Variants in EXD3 observed in about 807,000 individuals in gnomAD.
EXD3 encodes the protein exonuclease 3'-5' domain containing 3.
Under a neutral mutation model 98.0 loss-of-function variants are expected in EXD3, and 92 were observed. The ratio of observed to expected loss-of-function variants is 0.94; its 90% CI spans 0.79 to 1.12. EXD3 has a LOEUF of 1.12. EXD3 is among the 50% of genes most tolerant of loss of function. The pLI is 0.00. For missense variants in EXD3, 1,222 were observed against 1,191.6 expected (o/e 1.03, Z -0.38); for synonymous variants, 569 against 526.0 (o/e 1.08, Z -1.12).
chr9:137,323,878 ACTGAGGGG>A lies in EXD3; in HGVS notation c.2053-30_2053-23del. The A allele has an allele frequency of 1.9e-6, 3 of 1,595,924 alleles. No individual in the cohort carries two copies. The South Asian group carries it at 3.4e-5, about 18-fold the overall frequency. On this transcript the variant is annotated intron_variant, in intron 18 of 21. Transcript: ENST00000340951. ...GGAGCTGCAAAGACACGGCTCGGCT[ACTGAGGGG>A]CAGTGCAGAGCCCAGCACCTGCCCA...
intron 7 of EXD3, among the ~76,000 whole-genome samples, chr9:137,357,797 T>C (rs537109792): frequency 1.3e-5 from 2 of 151,550 alleles, no homozygotes; most frequent in Admixed American, 1.3e-4. Flanking sequence ...GATCACAGGG[T>C]CCCACAATAG....
rs892408172 is a variant in EXD3 at position 137,407,417 on chromosome 9, C to T, written c.-47-12013G>A. Among the ~76,000 whole-genome samples, 11 of 152,230 alleles carry T rather than the reference C, an allele frequency of 7.2e-5. No individual in the cohort carries two copies. Among genetic ancestry groups the T allele is most frequent in the African/African-American group, 1.4e-4 (6 of 41,460 alleles). ...GTCCTGGCCCCCAAGGGGCCATCTGCCCCCGGCTCACCGCAGGCCCTTTCC... is the reference window on the plus strand; with the variant it reads ...GTCCTGGCCCCCAAGGGGCCATCTGTCCCCGGCTCACCGCAGGCCCTTTCC... On this transcript the variant is annotated intron_variant, in intron 1 of 21. Coordinates refer to ENST00000340951, the MANE Select transcript of EXD3 (RefSeq NM_017820.5). This position sits in a 1 kb window ranked among gnomAD's most constrained non-coding sequence, Gnocchi z 4.4.
chr9:137,421,410 G>A (rs771050244), intron 1 of EXD3, among the ~76,000 whole-genome samples: 4 of 152,212 alleles, frequency 2.6e-5, no homozygotes, highest in African/African-American at 4.8e-5. Context: ...TGGTAGAAAT[G>A]GGGAAGTAGA....
intron 17 of EXD3, among the ~76,000 whole-genome samples, chr9:137,333,539 G>T (rs1833203789): frequency 6.6e-6 from 1 of 152,164 alleles, no homozygotes; most frequent in South Asian, 2.1e-4. Flanking sequence ...GGCCTGGCCT[G>T]GAGGGAGGCC....
chr9:137,321,486 C>T (rs1832029201), intron 19 of EXD3, among the ~76,000 whole-genome samples: 1 of 152,216 alleles, frequency 6.6e-6, no homozygotes, highest in African/African-American at 2.4e-5. Flanking sequence ...AGTTCAAGAC[C>T]AGCCTGACCA....
intron 2 of EXD3, among the ~76,000 whole-genome samples, chr9:137,394,040 G>A (rs1056942933): frequency 1.3e-5 from 2 of 152,158 alleles, no homozygotes; most frequent in South Asian, 2.1e-4. Flanking sequence ...GCCCCAGCCC[G>A]TCCCCGGCAC....
At chr9:137,365,074 C>CTT (rs79982028) in intron 7 of EXD3, 7 of 142,578 alleles carry the variant, frequency 4.9e-5, no homozygotes, top group Admixed American at 2.1e-4. Context: ...GGCCCTATGT[C>CTT]TTTTTTTTTT....
intron 19 of EXD3, among the ~76,000 whole-genome samples, chr9:137,318,978 G>A (rs1831872376): frequency 6.6e-6 from 1 of 152,258 alleles, no homozygotes; most frequent in African/African-American, 2.4e-5. Flanking sequence ...ACGTTGAGCG[G>A]GCTTTCCCTC....
Position 137,393,295 on chromosome 9 carries a change from C to T in EXD3, c.55+2008G>A, listed in dbSNP as rs548401128. ...ACCCAGGGTCCCATGCGCTCCCCGG[C>T]CCTGACGGCGGTCTCCAGGGGAGGT... is the stretch of plus-strand genomic sequence containing the variant. On this transcript the variant is annotated intron_variant, in intron 2 of 21. Coordinates refer to ENST00000340951, the MANE Select transcript of EXD3 (RefSeq NM_017820.5). The surrounding 1 kb of genome is among the most constrained non-coding windows in gnomAD (Gnocchi z 4.6). 3 of 698,690 alleles carry T rather than the reference C, an allele frequency of 4.3e-6. No individual in the cohort carries two copies. The African/African-American group carries it at 5.3e-5, about 12-fold the overall frequency. The allele number at this position is 698,690 out of a possible 1,614,324, so 43.3% of individuals were successfully genotyped here. A position where few individuals can be genotyped will look rare whatever the true frequency, so the allele number is the denominator to read the frequency against.
intron 17 of EXD3, among the ~76,000 whole-genome samples, chr9:137,343,887 CTTTT>C (rs139561838): frequency 3.3e-5 from 1 of 30,228 alleles, no homozygotes; most frequent in Non-Finnish European, 5.4e-5. Flanking sequence ...CGCGCCCGGC[CTTTT>C]TTTTTTTTTT....
At chr9:137,320,224 C>T (rs1041793049) in intron 19 of EXD3, among the ~76,000 whole-genome samples, 7 of 152,258 alleles carry the variant, frequency 4.6e-5, no homozygotes, top group African/African-American at 1.7e-4. Flanking sequence ...GCCCCTTCCC[C>T]ACGTCCTGCC....
chr9:137,381,487 G>C (rs1028880486), intron 3 of EXD3, among the ~76,000 whole-genome samples: 22 of 150,452 alleles, frequency 1.5e-4, no homozygotes, highest in Admixed American at 7.9e-4. Flanking sequence ...GCTGGGAAGG[G>C]CCCAATGAAC....
rs191470126 is a variant in EXD3 at position 137,347,442 on chromosome 9, G to A, written c.1998+629C>T. Among the ~76,000 whole-genome samples, 321 of 151,376 alleles carry A rather than the reference G, an allele frequency of 2.1e-3. 2 individuals carry two copies. Among genetic ancestry groups the A allele is most frequent in the Non-Finnish European group, 3.3e-3 (227 of 67,892 alleles). On this transcript the variant is annotated intron_variant, in intron 17 of 21. Transcript: ENST00000340951. The surrounding 1 kb of genome is among the most constrained non-coding windows in gnomAD (Gnocchi z 4.2). ...TCTCTGTCTTCTGTGTTCCATTCCT[G>A]CTTTTTTTCTTTTTTTTTTAAGATG...
chr9:137,349,372 C>A lies in EXD3; in HGVS notation c.1654G>T (p.Ala552Ser), dbSNP rs764248183. The change falls in exon 15 of 22, where the codon GCA becomes TCA. Residue 552 changes from alanine to serine, a missense_variant. Transcript: ENST00000340951. The surrounding 1 kb of genome is among the most constrained non-coding windows in gnomAD (Gnocchi z 7.4). ...TCCCACCCGCCGCACCGCACACCTG[C>A]GTAGATGACCTGCTCCTCGCAGAGC... ...RPLCEEQVIY[A>S]AADAYCLLEV... 8.2e-6 allele frequency: 13 copies of A among 1,585,910 alleles called. No individual in the cohort carries two copies. In the Admixed American group the frequency reaches 1.9e-4, roughly 23 times the overall value.
In EXD3 at chr9:137,406,609, C is replaced by T. The variant is rs141616464; in HGVS notation, c.-47-11205G>A. ...ACCAACGCACCCCTCGACCCCCAGA[C>T]GGCAGCGGCATTAGTGGCGCTGATG... On this transcript the variant is annotated intron_variant, in intron 1 of 21. Transcript: ENST00000340951. Among the ~76,000 whole-genome samples the T allele has an allele frequency of 4.3e-3, 652 of 152,332 alleles. 6 individuals are homozygous for T. The highest frequency in any genetic ancestry group is 0.014 in the African/African-American group (589 of 41,568).
chr9:137,325,750 T>A (rs1041452357), intron 17 of EXD3, among the ~76,000 whole-genome samples: 16 of 152,108 alleles, frequency 1.1e-4, no homozygotes, highest in African/African-American at 3.9e-4. Flanking sequence ...TAGTTATCTT[T>A]AAGAGTGCAA....
At position 137,373,548 on chromosome 9, in the gene EXD3, C is replaced by T. The variant is rs571185171; in HGVS notation, c.172G>A (p.Gly58Arg). ...CAGCTCTCCAGCATGTCCAGAAGCC[C>T]GGCCAGGGGGTCGTCCAAGGCAGCA... ...GFAALDDPLA[G>R]LLDMLESCRG... Residue 58 changes from glycine (G) to arginine (R), a missense_variant, in exon 4 of 22, where the codon GGG becomes AGG. Gly to Arg is a moderately radical substitution (Grantham distance 125, BLOSUM62 -2). Coordinates refer to ENST00000340951, the MANE Select transcript of EXD3 (RefSeq NM_017820.5). 1.2e-5 allele frequency: 20 copies of T among 1,603,344 alleles called. No homozygotes were observed. The highest frequency in any genetic ancestry group is 6.7e-5 in the South Asian group (6 of 89,296).
At chr9:137,397,141 G>A (rs933679063) in intron 1 of EXD3, among the ~76,000 whole-genome samples, 1 of 152,230 alleles carries the variant, frequency 6.6e-6, no homozygotes, top group African/African-American at 2.4e-5. Flanking sequence ...GGCCAGCCAA[G>A]AGGAAGGACC....
rs1271679340 is a variant in EXD3 at position 137,349,658 on chromosome 9, A to G, written c.1495-127T>C. 9.8e-7 allele frequency: 1 copy of G among 1,020,936 alleles called. No homozygotes were observed. The highest frequency in any genetic ancestry group is 1.7e-5 in the African/African-American group (1 of 60,382). 63.2% of individuals were successfully genotyped at this position (1,020,936 alleles called of 1,614,324 possible). On this transcript the variant is annotated intron_variant, in intron 14 of 21. Coordinates refer to ENST00000340951, the MANE Select transcript of EXD3 (RefSeq NM_017820.5). This position sits in a 1 kb window ranked among gnomAD's most constrained non-coding sequence, Gnocchi z 7.4. ...CGCCCCCTCCACCAGCGGCCCCCAC[A>G]GCAGAGACGGGGAGAAGGAGCGGAC...
Sources: allele counts gnomAD v4.1 joint callset (sites outside exome capture counted in the v4.1 genomes callset), GRCh38; gene constraint gnomAD v4.1.1; non-coding constraint Gnocchi (gnomAD v3.1); transcripts MANE v1.5; gene names NCBI Gene and HGNC (gene_info 2026-07-23, HGNC 2026-07-21).